MYO16: variants seen among roughly 807,000 people sequenced by gnomAD.
MYO16 encodes unconventional myosin-XVI.
In MYO16, 94 loss-of-function variants were observed where a neutral mutation model predicts 205.3. The ratio of observed to expected loss-of-function variants is 0.46; its 90% CI spans 0.39 to 0.54. MYO16 has a LOEUF of 0.54. Ranked by LOEUF, MYO16 falls within the 20% of genes least tolerant of loss-of-function variation. MYO16 has a pLI of 0.00. For synonymous variants in MYO16, 988 were observed against 954.0 expected, an observed-to-expected ratio of 1.04 and a Z score of -0.66; for missense variants, 2,315 against 2,387.5, an observed-to-expected ratio of 0.97 and a Z score of 0.63.
chr13:108,540,673 A>G, the MYO16 span, among the ~76,000 whole-genome samples: 1 of 152,140 alleles, frequency 6.6e-6, no homozygotes, highest in Non-Finnish European at 1.5e-5. Flanking sequence ...TAAGTTCCTT[A>G]GGTAGGAATA....
chr13:108,623,158 G>T (rs902199416), intron 1 of MYO16, among the ~76,000 whole-genome samples: 3 of 152,098 alleles, frequency 2.0e-5, no homozygotes, highest in East Asian at 1.9e-4. Context: ...TTTAACCAAG[G>T]CTGCCAATGC....
At chr13:108,583,675 A>C in the MYO16 span, among the ~76,000 whole-genome samples, 1 of 152,198 alleles carries the variant, frequency 6.6e-6, no homozygotes, top group African/African-American at 2.4e-5. Flanking sequence ...ATGACGAATG[A>C]TAATAATTTG....
chr13:108,831,297 GA>G (rs543555591), intron 9 of MYO16, among the ~76,000 whole-genome samples: 5 of 152,086 alleles, frequency 3.3e-5, no homozygotes, highest in Non-Finnish European at 7.4e-5. Flanking sequence ...AGCTAAATTT[GA>G]ATTTGTAATT....
At chr13:108,570,624 G>T in the MYO16 span, among the ~76,000 whole-genome samples, 1 of 152,188 alleles carries the variant, frequency 6.6e-6, no homozygotes, top group South Asian at 2.1e-4. Flanking sequence ...TTTAAAAGTA[G>T]CGTTTCTTAC....
intron 32 of MYO16, among the ~76,000 whole-genome samples, chr13:109,159,998 G>A (rs1018208045): frequency 2.6e-5 from 4 of 152,204 alleles, no homozygotes; most frequent in African/African-American, 9.7e-5. Context: ...GTTTTAAAGC[G>A]AGGTTTCTCG....
chr13:109,109,296 G>T (rs917694539), intron 28 of MYO16, among the ~76,000 whole-genome samples: 7 of 152,172 alleles, frequency 4.6e-5, no homozygotes, highest in African/African-American at 1.7e-4. Context: ...TCAAGAACCA[G>T]TTGTACCCAC....
At chr13:109,089,135 G>A (rs1888539020) in intron 27 of MYO16, among the ~76,000 whole-genome samples, 2 of 152,052 alleles carry the variant, frequency 1.3e-5, no homozygotes. Flanking sequence ...TAAGGCAAAA[G>A]CAATCATAGA....
chr13:109,192,491 G>A (rs1879963854), intron 34 of MYO16, among the ~76,000 whole-genome samples: 1 of 152,104 alleles, frequency 6.6e-6, no homozygotes, highest in South Asian at 2.1e-4. Flanking sequence ...AGTCACAGTG[G>A]CAGATGCTGT....
chr13:109,005,070 T>C (rs1426792782), intron 21 of MYO16, among the ~76,000 whole-genome samples: 2 of 152,180 alleles, frequency 1.3e-5, no homozygotes, highest in Admixed American at 6.5e-5. Context: ...AAGTTCTAGT[T>C]ACTTACTGTG....
At chr13:108,615,881 G>A (rs564738349) in intron 1 of MYO16, among the ~76,000 whole-genome samples, 5 of 152,172 alleles carry the variant, frequency 3.3e-5, no homozygotes, top group African/African-American at 9.6e-5. Flanking sequence ...AGTGAAATAC[G>A]CATATTTTTC....
chr13:108,735,604 C>T (rs1411264686), intron 4 of MYO16, among the ~76,000 whole-genome samples: 6 of 150,624 alleles, frequency 4.0e-5, no homozygotes, highest in African/African-American at 1.5e-4. Context: ...AATAAACATA[C>T]GTGTGCATGT....
rs36195222 is a variant in MYO16, at chr13:108,838,665, C to CAA, written c.1098-5665_1098-5664dup. ...CCTGGGTGACAGAGTGAGACTGTCT[C>CAA]AAAAAAAAAAAAAATATATATATAT... On this transcript the variant is annotated intron_variant, in intron 9 of 34. Coordinates refer to ENST00000457511, the MANE Select transcript of MYO16 (RefSeq NM_001198950.3). Among the ~76,000 whole-genome samples, 182 of 107,450 alleles carry CAA rather than the reference C, an allele frequency of 1.7e-3. 2 individuals are homozygous for CAA. The South Asian group carries it at 0.02, about 12-fold the overall frequency. The allele number at this position is 107,450 out of a possible 152,430, so 70.5% of individuals were successfully genotyped here. A position where few individuals can be genotyped will look rare whatever the true frequency, so the allele number is the denominator to read the frequency against.
intron 16 of MYO16, among the ~76,000 whole-genome samples, chr13:108,954,428 C>G (rs1012505569): frequency 2.0e-5 from 3 of 152,118 alleles, no homozygotes; most frequent in Non-Finnish European, 4.4e-5. Flanking sequence ...AGAGGGGTTA[C>G]AGTTTTTTAT....
chr13:109,053,572 C>A (rs974746470), intron 25 of MYO16, among the ~76,000 whole-genome samples: 1 of 152,020 alleles, frequency 6.6e-6, no homozygotes, highest in Non-Finnish European at 1.5e-5. Flanking sequence ...CACTGCTAAC[C>A]TCAATTATTA....
intron 22 of MYO16, among the ~76,000 whole-genome samples, chr13:109,017,255 T>G (rs540911428): frequency 6.6e-6 from 1 of 152,232 alleles, no homozygotes; most frequent in Non-Finnish European, 1.5e-5. Context: ...AAATTCTGGG[T>G]TGAAAATTCT....
At chr13:108,744,858 A>C (rs1382022306) in intron 4 of MYO16, among the ~76,000 whole-genome samples, 1 of 152,190 alleles carries the variant, frequency 6.6e-6, no homozygotes, top group African/African-American at 2.4e-5. Flanking sequence ...TTTGGTTTTT[A>C]GTTTTTGATT....
intron 1 of MYO16, among the ~76,000 whole-genome samples, chr13:108,621,640 G>A (rs1013835821): frequency 2.0e-5 from 3 of 152,108 alleles, no homozygotes; most frequent in East Asian, 1.9e-4. Flanking sequence ...GTGGCTCAGT[G>A]ATCCTGGGCC....
At chr13:108,975,884 G>A (rs1260250911) in intron 20 of MYO16, among the ~76,000 whole-genome samples, 1 of 152,112 alleles carries the variant, frequency 6.6e-6, no homozygotes, top group East Asian at 1.9e-4. Context: ...TCATTAACTA[G>A]ATGATCTATA....
chr13:108,662,354 A>C (rs1881540844), intron 1 of MYO16, among the ~76,000 whole-genome samples: 1 of 152,294 alleles, frequency 6.6e-6, no homozygotes, highest in African/African-American at 2.4e-5. Context: ...TTCCAAGATT[A>C]ATGCCCTTTG....
Sources: gnomAD v4.1 joint callset for allele counts (sites outside exome capture counted in the v4.1 genomes callset) on GRCh38, gnomAD v4.1.1 for gene constraint, MANE v1.5 for transcripts, NCBI Gene and HGNC (gene_info 2026-07-23, HGNC 2026-07-21) for gene names.